Variants in ADGRB3 observed in about 807,000 individuals in gnomAD.
ADGRB3 encodes adhesion G protein-coupled receptor B3.
ADGRB3 carries 37 observed loss-of-function variants against 193.4 expected under a neutral mutation model. That is an observed-to-expected ratio of 0.19 (90% confidence interval 0.15 to 0.25). The LOEUF (loss-of-function observed/expected upper bound fraction) is 0.25. ADGRB3 is among the 10% of genes least tolerant of loss of function. The pLI, the probability that ADGRB3 is intolerant of heterozygous loss-of-function variation, is 1.00. For synonymous variants in ADGRB3, 690 were observed against 644.2 expected, an observed-to-expected ratio of 1.07 and a Z score of -1.08; for missense variants, 1,637 against 1,852.9, an observed-to-expected ratio of 0.88 and a Z score of 2.14.
At chr6:68,818,925 A>G (rs1767689054) in intron 3 of ADGRB3, among the ~76,000 whole-genome samples, 2 of 116,282 alleles carry the variant, frequency 1.7e-5, no homozygotes, top group Non-Finnish European at 3.5e-5. Context: ...TGAAAGATTG[A>G]TAAGTACATG....
At chr6:68,865,909 G>A (rs978462950) in intron 3 of ADGRB3, among the ~76,000 whole-genome samples, 2 of 152,062 alleles carry the variant, frequency 1.3e-5, no homozygotes, top group African/African-American at 2.4e-5. Context: ...AGAAGAAATT[G>A]CGTCTTACCA....
chr6:69,316,911 C>T (rs190096554), intron 20 of ADGRB3, among the ~76,000 whole-genome samples: 113 of 151,418 alleles, frequency 7.5e-4, no homozygotes, highest in South Asian at 7.3e-3. Context: ...TAAACAGATT[C>T]GTAGGCTAAG....
chr6:69,049,250 T>A, intron 14 of ADGRB3, 21 bp from the exon 15 acceptor site: 1 of 1,553,174 alleles, frequency 6.4e-7, no homozygotes, highest in Non-Finnish European at 8.8e-7. Flanking sequence ...TTGCTAATAC[T>A]TCAAAATTTA....
At chr6:69,148,229 C>T (rs1037848803) in intron 17 of ADGRB3, among the ~76,000 whole-genome samples, 2 of 151,940 alleles carry the variant, frequency 1.3e-5, no homozygotes, top group African/African-American at 4.8e-5. Flanking sequence ...TCCTGTCTTC[C>T]TTTTAATAAA....
chr6:68,780,851 T>G (rs112081080), intron 3 of ADGRB3, among the ~76,000 whole-genome samples: 1,622 of 152,262 alleles, frequency 0.011, 15 homozygotes, highest in Non-Finnish European at 0.018. Context: ...TACACATCTA[T>G]TAACTACAGA....
At chr6:69,100,815 A>G (rs1222424942) in intron 17 of ADGRB3, among the ~76,000 whole-genome samples, 1 of 135,408 alleles carries the variant, frequency 7.4e-6, no homozygotes, top group Non-Finnish European at 1.6e-5. Flanking sequence ...AAGACAAAGG[A>G]AGGAAGGAAA....
Position 69,339,393 on chromosome 6 carries a change from G to T in ADGRB3, c.3348G>T (p.Ala1116=). 1 of 1,613,906 alleles carries T rather than the reference G, an allele frequency of 6.2e-7. No individual in the cohort carries two copies. The highest frequency in any genetic ancestry group is 8.5e-7 in the Non-Finnish European group (1 of 1,179,902). Residue 1116 remains alanine, a synonymous_variant, in exon 26 of 32, where the codon GCG becomes GCT. Transcript: ENST00000370598. ...LPLLALTWMS[A]VLAMTDKRSI... ...TTCTGGCTTTGACGTGGATGTCTGC[G>T]GTTCTGGCCATGACAGATAAACGCT...
chr6:69,102,102 C>T (rs907869925), intron 17 of ADGRB3, among the ~76,000 whole-genome samples: 5 of 142,896 alleles, frequency 3.5e-5, no homozygotes, highest in Middle Eastern at 3.8e-3. Context: ...GGCGTGAACC[C>T]GGGAGGCGGA....
intron 3 of ADGRB3, among the ~76,000 whole-genome samples, chr6:68,660,004 A>G (rs977596546): frequency 6.6e-6 from 1 of 150,868 alleles, no homozygotes; most frequent in African/African-American, 2.4e-5. Flanking sequence ...AATATCACTG[A>G]TTAAAACCAT....
chr6:69,041,084 A>G (rs1009463917), intron 13 of ADGRB3, among the ~76,000 whole-genome samples: 3 of 152,152 alleles, frequency 2.0e-5, no homozygotes, highest in Non-Finnish European at 2.9e-5. Flanking sequence ...GTCCTTGGAG[A>G]TGCCCTCCTA....
intron 17 of ADGRB3, among the ~76,000 whole-genome samples, chr6:69,183,587 T>A (rs1396138860): frequency 6.6e-6 from 1 of 152,096 alleles, no homozygotes; most frequent in Non-Finnish European, 1.5e-5. Context: ...ATCCTTGAAC[T>A]AATTCTCAGA....
intron 3 of ADGRB3, among the ~76,000 whole-genome samples, chr6:68,860,122 A>G (rs117544405): frequency 0.014 from 2,137 of 152,270 alleles, 16 homozygotes; most frequent in Middle Eastern, 0.031. Flanking sequence ...ATATTTCTGT[A>G]TCTGCTTCTG....
chr6:69,161,461 G>C (rs1774984064), intron 17 of ADGRB3, among the ~76,000 whole-genome samples: 1 of 152,076 alleles, frequency 6.6e-6, no homozygotes, highest in Admixed American at 6.6e-5. Flanking sequence ...GCATGCATCA[G>C]AATTGCCTAG....
chr6:69,259,741 G>GT (rs1271146509), intron 20 of ADGRB3, among the ~76,000 whole-genome samples: 1 of 150,938 alleles, frequency 6.6e-6, no homozygotes, highest in Non-Finnish European at 1.5e-5. Context: ...AATGTTTGTG[G>GT]TTTTTCCCCT....
chr6:68,956,738 C>T lies in ADGRB3; in HGVS notation c.1454C>T (p.Ala485Val), dbSNP rs1755160760. ...WERRIRTCQG[A>V]VITGQQCEGT... Reference sequence around the variant, plus strand: ...AGGCGAATAAGGACCTGTCAGGGTGCAGTGATAACAGGGCAGCAATGTGAA... The same window carrying T: ...AGGCGAATAAGGACCTGTCAGGGTGTAGTGATAACAGGGCAGCAATGTGAA... Residue 485 changes from alanine to valine, a missense_variant, in exon 8 of 32, where the codon GCA (alanine) becomes GTA (valine). Transcript: ENST00000370598. 1 of 1,613,672 alleles carries T rather than the reference C, an allele frequency of 6.2e-7. No individual in the cohort carries two copies.
intron 3 of ADGRB3, among the ~76,000 whole-genome samples, chr6:68,867,204 T>C (rs1582267535): frequency 6.6e-6 from 1 of 152,058 alleles, no homozygotes; most frequent in Admixed American, 6.6e-5. Flanking sequence ...AGTCCCAGGG[T>C]GCTGCTTCTC....
intron 3 of ADGRB3, among the ~76,000 whole-genome samples, chr6:68,736,289 A>G (rs1765870214): frequency 6.6e-6 from 1 of 152,162 alleles, no homozygotes. Flanking sequence ...CAGTGCTAGA[A>G]CTAGAGGCGT....
intron 3 of ADGRB3, among the ~76,000 whole-genome samples, chr6:68,867,222 T>C (rs1279748341): frequency 6.6e-6 from 1 of 152,088 alleles, no homozygotes; most frequent in East Asian, 1.9e-4. Context: ...CTCTGTGCAG[T>C]CTCAGGACAT....
intron 3 of ADGRB3, among the ~76,000 whole-genome samples, chr6:68,883,519 C>T (rs1020256921): frequency 2.0e-5 from 3 of 152,154 alleles, no homozygotes; most frequent in Non-Finnish European, 4.4e-5. Context: ...TGAGCTGTAA[C>T]ACTCACCACA....
Sources: gnomAD v4.1 joint callset for allele counts (sites outside exome capture counted in the v4.1 genomes callset) on GRCh38, gnomAD v4.1.1 for gene constraint, MANE v1.5 for transcripts, NCBI Gene and HGNC (gene_info 2026-07-23, HGNC 2026-07-21) for gene names.